NLRC3: variants seen among roughly 807,000 people sequenced by gnomAD.
The protein encoded by NLRC3 is NLR family CARD domain-containing protein 3.
Under a neutral mutation model 91.6 loss-of-function variants are expected in NLRC3, and 87 were observed. The observed-to-expected ratio is 0.95, with a 90% confidence interval of 0.80 to 1.14. The LOEUF (loss-of-function observed/expected upper bound fraction) is 1.14. Among genes scored for constraint, NLRC3 ranks in the 50% most tolerant of loss-of-function variants. The pLI is 0.00. For synonymous variants in NLRC3, 694 were observed against 625.3 expected, an observed-to-expected ratio of 1.11 and a Z score of -1.64; for missense variants, 1,577 against 1,418.6, an observed-to-expected ratio of 1.11 and a Z score of -1.79.
In NLRC3 at chr16:3,554,229, T is replaced by G; in HGVS notation, c.2267+13A>C. On this transcript the variant is annotated intron_variant, in intron 9 of 19. Transcript: ENST00000359128. ...AGGGAGAGAAGGGGGAGAGAGGAGA[T>G]GTGTTCACTCACTGCAGCATGGAGA... 6.3e-7 allele frequency: 1 copy of G among 1,587,532 alleles called. No homozygotes were observed. The highest frequency in any genetic ancestry group is 8.7e-7 in the Non-Finnish European group (1 of 1,155,882).
intron 11 of NLRC3, 49 bp downstream of exon 11, chr16:3,550,362 TCTA>T: frequency 8.0e-7 from 1 of 1,249,506 alleles, no homozygotes; most frequent in Non-Finnish European, 1.2e-6. Flanking sequence ...CGGCCCACTA[TCTA>T]CTGGAAAGAG....
At chr16:3,561,861 T>C in intron 5 of NLRC3, 73 bp from the exon 6 acceptor site, 1 of 996,412 alleles carries the variant, frequency 1.0e-6, no homozygotes, top group Non-Finnish European at 1.6e-6. Context: ...GCCCGGGGCC[T>C]CTGCCTCTCT....
At chr16:3,561,952 A>G (rs1207397592) in intron 5 of NLRC3, among the ~76,000 whole-genome samples, 164 bp from the exon 6 acceptor site, 1 of 152,242 alleles carries the variant, frequency 6.6e-6, no homozygotes, top group Non-Finnish European at 1.5e-5. Flanking sequence ...GAGAGTGAAC[A>G]GGAGGCTGGG....
chr16:3,558,351 A>G lies in NLRC3; in HGVS notation c.2016-675T>C, dbSNP rs145124857. Among the ~76,000 whole-genome samples the G allele has an allele frequency of 1.6e-3, 237 of 152,084 alleles. 1 individual carries two copies. Among genetic ancestry groups the G allele is most frequent in the South Asian group, 0.011 (54 of 4,810 alleles). ...GTCTCAAAACAACAACAAAACAAAAAACAAATGCTAGCAAACTGATTTGTA... is the reference window on the plus strand; with the variant it reads ...GTCTCAAAACAACAACAAAACAAAAGACAAATGCTAGCAAACTGATTTGTA... On this transcript the variant is annotated intron_variant, in intron 6 of 19. Transcript: ENST00000359128.
intron 9 of NLRC3, among the ~76,000 whole-genome samples, chr16:3,553,652 ATTG>A (rs1361277010): frequency 6.6e-6 from 1 of 151,736 alleles, no homozygotes; most frequent in Non-Finnish European, 1.5e-5. Context: ...TTATCCAATA[ATTG>A]TTGTATTCTT....
At chr16:3,546,987 G>A (rs967912517) in intron 15 of NLRC3, among the ~76,000 whole-genome samples, 4 of 152,108 alleles carry the variant, frequency 2.6e-5, no homozygotes, top group East Asian at 1.9e-4. Context: ...GAGAAAGGCC[G>A]ATGAGGCTCC....
rs745669960 is a variant in NLRC3, at chr16:3,556,925, G to A, written c.2169C>T (p.Thr723=). 12 of 1,612,760 alleles carry A rather than the reference G, an allele frequency of 7.4e-6. No homozygotes were observed. Among genetic ancestry groups the A allele is most frequent in the African/African-American group, 2.7e-5 (2 of 74,880 alleles). ...GTGACACACACCTCAGGGAGGTCAG[G>A]GTGCGGTTGATCTTCAAAGCGTCTG... The part of the protein sequence containing the change: ...ALADALKINR[T]LTSLSLQGNT... Residue 723 remains threonine (T), a synonymous_variant, in exon 8 of 20, where the codon ACC becomes ACT. Transcript: ENST00000359128.
chr16:3,565,516 G>T, intron 2 of NLRC3, 136 bp from the exon 3 acceptor site: 1 of 361,184 alleles, frequency 2.8e-6, no homozygotes, highest in African/African-American at 2.2e-5. Flanking sequence ...CAGCCACTCT[G>T]GGGACGCTAC....
chr16:3,562,334 T>C (rs1431779167), intron 5 of NLRC3, among the ~76,000 whole-genome samples: 6 of 152,136 alleles, frequency 3.9e-5, no homozygotes, highest in Non-Finnish European at 7.4e-5. Flanking sequence ...AGTGTGACAG[T>C]GTCTTTTTAA....
At position 3,557,632 on chromosome 16, in the gene NLRC3, G is replaced by A; in HGVS notation, c.2060C>T (p.Ala687Val). The A allele has an allele frequency of 1.9e-6, 3 of 1,613,628 alleles. No homozygotes were observed. The highest frequency in any genetic ancestry group is 2.5e-6 in the Non-Finnish European group (3 of 1,179,660). ...ACTTCTGTTGACCAAGAGGGATCTG[G>A]CCAGAGCTTTGGCCCCTTTGTTACT... ...QISNKGAKALARSLLVNRSLT... is the reference protein window; with the variant it reads ...QISNKGAKALVRSLLVNRSLT... The change falls in exon 7 of 20, where the codon GCC (alanine) becomes GTC (valine). Residue 687 changes from alanine to valine, a missense_variant. Ala to Val is a moderately conservative substitution (Grantham distance 64). Transcript: ENST00000359128.
chr16:3,550,274 G>A, intron 11 of NLRC3, 140 bp downstream of exon 11: 2 of 620,638 alleles, frequency 3.2e-6, no homozygotes, highest in Admixed American at 5.4e-5. Flanking sequence ...TGGGGCAGGG[G>A]CTACTGAGGA....
At chr16:3,577,107 C>T (rs757209149) in intron 1 of NLRC3, 42 bp downstream of exon 1, 6 of 703,028 alleles carry the variant, frequency 8.5e-6, no homozygotes, top group Admixed American at 4.0e-5. Flanking sequence ...CATCCCTTCT[C>T]CCTCCCCTGC....
intron 5 of NLRC3, 57 bp downstream of exon 5, chr16:3,562,952 G>A (rs1445936849): frequency 6.9e-7 from 1 of 1,458,214 alleles, no homozygotes; most frequent in East Asian, 2.5e-5. Flanking sequence ...GGAGGGGACG[G>A]CTTCTGCTCT....
At chr16:3,576,643 G>GTT (rs1359699856) in intron 1 of NLRC3, among the ~76,000 whole-genome samples, 6 of 149,256 alleles carry the variant, frequency 4.0e-5, no homozygotes, top group Non-Finnish European at 9.0e-5. Context: ...TTAGTTACCT[G>GTT]TTTTTTCTTT....
rs1166760637 is a variant in NLRC3 at position 3,539,697 on chromosome 16, G to C, written c.*2128C>G. On this transcript the variant is annotated 3_prime_UTR_variant, in exon 20 of 20. Coordinates refer to ENST00000359128, the MANE Select transcript of NLRC3 (RefSeq NM_178844.4). Reference sequence around the variant, plus strand: ...TAGAAATCTCTGCCCCGCAAAAACTGTCATAAATACTGCAAGACCCATGTT... The same window carrying C: ...TAGAAATCTCTGCCCCGCAAAAACTCTCATAAATACTGCAAGACCCATGTT... The C allele has an allele frequency of 1.3e-4, 20 of 152,192 alleles. No individual in the cohort carries two copies. The highest frequency in any genetic ancestry group is 1.3e-3 in the Admixed American group (20 of 15,282). The allele number at this position is 152,192 out of a possible 1,614,324, so 9.4% of individuals were successfully genotyped here. A position where few individuals can be genotyped will look rare whatever the true frequency, so the allele number is the denominator to read the frequency against.
At chr16:3,542,409 G>A (rs1349908365) in intron 18 of NLRC3, 135 bp from the exon 19 acceptor site, 2 of 682,422 alleles carry the variant, frequency 2.9e-6, no homozygotes, top group African/African-American at 1.8e-5. Context: ...ACTCCAGGTG[G>A]GAGTTGACCC....
At chr16:3,576,013 C>T (rs960168139) in intron 1 of NLRC3, among the ~76,000 whole-genome samples, 1 of 152,202 alleles carries the variant, frequency 6.6e-6, no homozygotes, top group Non-Finnish European at 1.5e-5. Flanking sequence ...GCACCTGCAC[C>T]TCAGGGCCCT....
intron 17 of NLRC3, chr16:3,543,000 C>T: frequency 3.6e-6 from 2 of 555,632 alleles, no homozygotes; most frequent in African/African-American, 3.8e-5. Context: ...TTGTTGGAGC[C>T]TTCCTCCTCT....
Position 3,563,839 on chromosome 16 carries a change from C to T in NLRC3, c.1098G>A (p.Trp366Ter), listed in dbSNP as rs753451451. The T allele has an allele frequency of 3.1e-6, 5 of 1,607,782 alleles. No individual in the cohort carries two copies. Among genetic ancestry groups the T allele is most frequent in the Non-Finnish European group, 4.2e-6 (5 of 1,176,810 alleles). ...CCCCGCTGAGGGCCATCCTAAAGTA[C>T]CATGAGTAGAGCTCGCACAGGGTCC... Reference protein sequence around the residue: ...PPRTLCELYSWYFRMALSGEG... With the variant: ...PPRTLCELYS The change falls in exon 5 of 20, where the codon TGG (tryptophan) becomes TGA (stop). Residue 366 changes from tryptophan (W) to a stop codon, truncating the protein, a stop_gained. Transcript: ENST00000359128. LOFTEE classifies it high-confidence loss of function.
Sources: allele counts gnomAD v4.1 joint callset (sites outside exome capture counted in the v4.1 genomes callset), GRCh38; gene constraint gnomAD v4.1.1; transcripts MANE v1.5; gene names NCBI Gene and HGNC (gene_info 2026-07-23, HGNC 2026-07-21).